The following COPS6 variants were observed in gnomAD, a reference collection of about 807,000 sequenced individuals.
COPS6 encodes the protein COP9 signalosome complex subunit 6.
In COPS6, 9 loss-of-function variants were observed where a neutral mutation model predicts 41.0. The observed-to-expected ratio is 0.22, with a 90% CI of 0.13 to 0.38. COPS6 has a LOEUF of 0.38. Among genes scored for constraint, COPS6 ranks in the 10% least tolerant of loss-of-function variants. The pLI, the probability that COPS6 is intolerant of heterozygous loss-of-function variation, is 1.00. For missense variants in COPS6, 302 were observed against 436.7 expected (o/e 0.69, Z 2.75); for synonymous variants, 179 against 162.9 (o/e 1.10, Z -0.75).
At chr7:100,090,847 G>C in intron 5 of COPS6, 55 bp from the exon 6 acceptor site, 1 of 1,593,688 alleles carries the variant, frequency 6.3e-7, no homozygotes, top group Non-Finnish European at 8.6e-7. Flanking sequence ...ATGTGTAAAA[G>C]CAGCTAGCCC....
chr7:100,090,564 C>A (rs1795300369), intron 4 of COPS6, 28 bp from the exon 5 acceptor site: 1 of 1,611,960 alleles, frequency 6.2e-7, no homozygotes, highest in Non-Finnish European at 8.5e-7. Context: ...GGGGCACTGA[C>A]TTCCTGTGCA....
rs374625999 is a variant in COPS6, at chr7:100,091,948, T to C, written c.*159T>C. ...GTCCTCTGTTAGGCACCACACTGGT[T>C]GGTCAACTTGGATGTTCATCGAGGC... On this transcript the variant is annotated 3_prime_UTR_variant, in exon 10 of 10. Coordinates refer to ENST00000303904, the MANE Select transcript of COPS6 (RefSeq NM_006833.5). This position sits in a 1 kb window ranked among gnomAD's most constrained non-coding sequence, Gnocchi z 4.1. The C allele has an allele frequency of 1.5e-4, 125 of 858,710 alleles. No individual in the cohort carries two copies. In the African/African-American group the frequency reaches 1.8e-3, roughly 12 times the overall value. The allele number at this position is 858,710 out of a possible 1,614,324, so 53.2% of individuals were successfully genotyped here.
rs1281750757 is a variant in COPS6 at position 100,090,878 on chromosome 7, C to G, written c.487-24C>G. 3 of 1,613,834 alleles carry G rather than the reference C, an allele frequency of 1.9e-6. No homozygotes were observed. In the South Asian group the frequency reaches 3.3e-5, roughly 18 times the overall value. ...AGCCCAAATGTTGGCATATAGTGTT[C>G]AGGTTTCTCCGTCTCCTTCACAGCT... On this transcript the variant is annotated intron_variant, in intron 5 of 9. Transcript: ENST00000303904.
Position 100,091,767 on chromosome 7 carries a change from G to C in COPS6, c.962G>C (p.Arg321Thr). The C allele has an allele frequency of 6.2e-7, 1 of 1,614,240 alleles. No individual in the cohort carries two copies. Among genetic ancestry groups the C allele is most frequent in the Non-Finnish European group, 8.5e-7 (1 of 1,180,048 alleles). Reference sequence around the variant, plus strand: ...TACGACCGACAAGGCATCGGCAGGAGAATGCGCGGGCTCTTTTTCTGATGA... The same window carrying C: ...TACGACCGACAAGGCATCGGCAGGACAATGCGCGGGCTCTTTTTCTGATGA... ...VLYDRQGIGR[R>T]MRGLFF Residue 321 changes from arginine to threonine, a missense_variant, in exon 10 of 10, where the codon AGA becomes ACA. By Grantham distance (71) the Arg-to-Thr change is moderately conservative. Coordinates refer to ENST00000303904, the MANE Select transcript of COPS6 (RefSeq NM_006833.5). This position sits in a 1 kb window ranked among gnomAD's most constrained non-coding sequence, Gnocchi z 4.1.
rs1415114572 is a variant in COPS6, at chr7:100,089,346, C to G, written c.133C>G (p.Pro45Ala). The change falls in exon 2 of 10, where the codon CCC becomes GCC. Residue 45 changes from proline to alanine, a missense_variant. By Grantham distance (27) the Pro-to-Ala change is conservative. This residue lies in a region of COPS6 where 76 missense variants were observed against 97.9 expected (regional missense o/e 0.78). Coordinates refer to ENST00000303904, the MANE Select transcript of COPS6 (RefSeq NM_006833.5). ...TGGGAGTGTTTCCGTCGCTCTCCAT[C>G]CCCTTGTCATTCTCAACATCTCAGA... ...VTGSVSVALH[P>A]LVILNISDHW... 2 of 1,614,008 alleles carry G rather than the reference C, an allele frequency of 1.2e-6. No individual in the cohort carries two copies. Among genetic ancestry groups the G allele is most frequent in the African/African-American group, 1.3e-5 (1 of 74,912 alleles).
chr7:100,089,281 C>A lies in COPS6; in HGVS notation c.77-9C>A. ...ACTCTCACCCTCTCTCCTTTCCCTC[C>A]ACCCTTAGTAGTCCCCAGCGTGATG... On this transcript the variant is annotated splice_polypyrimidine_tract_variant and intron_variant, in intron 1 of 9. Coordinates refer to ENST00000303904, the MANE Select transcript of COPS6 (RefSeq NM_006833.5). 6.2e-7 allele frequency: 1 copy of A among 1,612,064 alleles called. No individual in the cohort carries two copies. The highest frequency in any genetic ancestry group is 8.5e-7 in the Non-Finnish European group (1 of 1,179,142).
intron 2 of COPS6, 95 bp downstream of exon 2, chr7:100,089,510 C>T (rs940060737): frequency 5.0e-6 from 8 of 1,600,366 alleles, no homozygotes; most frequent in Non-Finnish European, 6.0e-6. Flanking sequence ...AATTCCCCCT[C>T]CCCCAAATCA....
chr7:100,091,061 G>T lies in COPS6; in HGVS notation c.558G>T (p.Leu186=). Residue 186 remains leucine, a synonymous_variant, in exon 7 of 10, where the codon CTG becomes CTT. Transcript: ENST00000303904. This position sits in a 1 kb window ranked among gnomAD's most constrained non-coding sequence, Gnocchi z 4.1. ...NGEATMLFAE[L]TYTLATEEAE... ...AGGCCACAATGCTGTTTGCTGAGCT[G>T]ACCTACACTCTGGCCACAGAGGAAG... 6.2e-7 allele frequency: 1 copy of T among 1,614,226 alleles called. No homozygotes were observed. Among genetic ancestry groups the T allele is most frequent in the Non-Finnish European group, 8.5e-7 (1 of 1,180,034 alleles).
In COPS6 at chr7:100,089,080, CG is replaced by C. The variant is rs1298520304; in HGVS notation, c.76+19del. 6 of 1,417,686 alleles carry C rather than the reference CG, an allele frequency of 4.2e-6. No individual in the cohort carries two copies. Among genetic ancestry groups the C allele is most frequent in the Non-Finnish European group, 5.5e-6 (6 of 1,084,908 alleles). The allele number at this position is 1,417,686 out of a possible 1,614,324, so 87.8% of individuals were successfully genotyped here. A position where few individuals can be genotyped will look rare whatever the true frequency, so the allele number is the denominator to read the frequency against. ...TGGATGCAGCAGGTAACGGGCCGTGCGGGGGTGGCTTCCGGAGACCTCCTTC... is the reference window on the plus strand; with the variant it reads ...TGGATGCAGCAGGTAACGGGCCGTGCGGGGTGGCTTCCGGAGACCTCCTTC... On this transcript the variant is annotated intron_variant, in intron 1 of 9. Coordinates refer to ENST00000303904, the MANE Select transcript of COPS6 (RefSeq NM_006833.5).
rs771460787 is a variant in COPS6, at chr7:100,091,717, G to A, written c.912G>A (p.Gln304=). The A allele has an allele frequency of 1.9e-6, 3 of 1,614,120 alleles. No homozygotes were observed. The highest frequency in any genetic ancestry group is 2.5e-6 in the Non-Finnish European group (3 of 1,180,050). ...CCAAAACGTGCAACACCATGAACCA[G>A]TTTGTGAACAAGTTCAATGTCCTCT... is the stretch of plus-strand genomic sequence containing the variant. ...TITKTCNTMN[Q]FVNKFNVLYD... Residue 304 remains glutamine (Q), a synonymous_variant, in exon 10 of 10, where the codon CAG becomes CAA. Transcript: ENST00000303904. This position sits in a 1 kb window ranked among gnomAD's most constrained non-coding sequence, Gnocchi z 4.1.
intron 2 of COPS6, 87 bp downstream of exon 2, chr7:100,089,502 T>G: frequency 3.1e-6 from 5 of 1,603,176 alleles, no homozygotes; most frequent in Non-Finnish European, 4.3e-6. Flanking sequence ...CTGGAGCCAA[T>G]TCCCCCTCCC....
At position 100,091,638 on chromosome 7, in the gene COPS6, TTCCC is replaced by T. The variant is rs763076174; in HGVS notation, c.844-6_844-3del. On this transcript the variant is annotated splice_polypyrimidine_tract_variant and splice_region_variant and intron_variant, in intron 9 of 9. Transcript: ENST00000303904. The surrounding 1 kb of genome is among the most constrained non-coding windows in gnomAD (Gnocchi z 4.1). ...GATCCCGAGGAACTGGTCCTTTCTGTTCCCTCCCAGCAATGCAACGACGTGGGGC... is the reference window on the plus strand; with the variant it reads ...GATCCCGAGGAACTGGTCCTTTCTGTTCCCAGCAATGCAACGACGTGGGGC... 1 of 1,614,184 alleles carries T rather than the reference TTCCC, an allele frequency of 6.2e-7. No individual in the cohort carries two copies. Among genetic ancestry groups the T allele is most frequent in the South Asian group, 1.1e-5 (1 of 91,080 alleles).
At position 100,091,553 on chromosome 7, in the gene COPS6, T is replaced by C; in HGVS notation, c.843+33T>C. On this transcript the variant is annotated intron_variant, in intron 9 of 9. Coordinates refer to ENST00000303904, the MANE Select transcript of COPS6 (RefSeq NM_006833.5). This position sits in a 1 kb window ranked among gnomAD's most constrained non-coding sequence, Gnocchi z 4.1. ...TAAAACCCGGATGGGGAGGCGGGGC[T>C]TATGCTGTCACTTTCACGTGCAGGA... 6.2e-7 allele frequency: 1 copy of C among 1,613,760 alleles called. No individual in the cohort carries two copies. Among genetic ancestry groups the C allele is most frequent in the Non-Finnish European group, 8.5e-7 (1 of 1,179,688 alleles).
In COPS6 at chr7:100,091,407, T is replaced by C; in HGVS notation, c.743-13T>C. On this transcript the variant is annotated splice_polypyrimidine_tract_variant and intron_variant, in intron 8 of 9. Coordinates refer to ENST00000303904, the MANE Select transcript of COPS6 (RefSeq NM_006833.5). The surrounding 1 kb of genome is among the most constrained non-coding windows in gnomAD (Gnocchi z 4.1). ...AGCATCCAAACTAATGTAGTCTCTT[T>C]TTGTGCCTTTAGGAGAGGTCCCCTT... The C allele has an allele frequency of 6.2e-7, 1 of 1,613,792 alleles. No homozygotes were observed. Among genetic ancestry groups the C allele is most frequent in the South Asian group, 1.1e-5 (1 of 91,090 alleles).
intron 5 of COPS6, 22 bp from the exon 6 acceptor site, chr7:100,090,880 G>C: frequency 6.2e-7 from 1 of 1,613,976 alleles, no homozygotes; most frequent in African/African-American, 1.3e-5. Flanking sequence ...ATAGTGTTCA[G>C]GTTTCTCCGT....
At chr7:100,089,586 C>T in intron 2 of COPS6, 29 bp from the exon 3 acceptor site, 8 of 1,608,492 alleles carry the variant, frequency 5.0e-6, no homozygotes, top group East Asian at 2.2e-5. Flanking sequence ...TCTTTACCCT[C>T]ACCTTTTCCA....
In COPS6 at chr7:100,091,172, G is replaced by C; in HGVS notation, c.649+20G>C. On this transcript the variant is annotated intron_variant, in intron 7 of 9. Transcript: ENST00000303904. The surrounding 1 kb of genome is among the most constrained non-coding windows in gnomAD (Gnocchi z 4.1). Reference sequence around the variant, plus strand: ...CCACTGGTAATGGAGGGGATTCCTTGGAAGTGGGGTTGGAAGGTGTGGCCA... The same window carrying C: ...CCACTGGTAATGGAGGGGATTCCTTCGAAGTGGGGTTGGAAGGTGTGGCCA... The C allele has an allele frequency of 6.2e-7, 1 of 1,613,818 alleles. No individual in the cohort carries two copies.
chr7:100,089,018 G>C lies in COPS6; in HGVS notation c.28G>C (p.Ala10Pro). The change falls in exon 1 of 10, where the codon GCT (alanine) becomes CCT (proline). Residue 10 changes from alanine to proline, a missense_variant. Transcript: ENST00000303904. The part of the protein sequence containing the change: MAAAAAAAA[A>P]TNGTGGSSGM... Reference sequence around the variant, plus strand: ...GGCGGCGGCGGCGGCGGCGGCTGCAGCTACGAACGGGACCGGAGGAAGCAG... The same window carrying C: ...GGCGGCGGCGGCGGCGGCGGCTGCACCTACGAACGGGACCGGAGGAAGCAG... The C allele has an allele frequency of 7.6e-7, 1 of 1,323,232 alleles. No homozygotes were observed. Among genetic ancestry groups the C allele is most frequent in the Non-Finnish European group, 9.7e-7 (1 of 1,033,736 alleles). The allele number at this position is 1,323,232 out of a possible 1,614,324, so 82.0% of individuals were successfully genotyped here. A position where few individuals can be genotyped will look rare whatever the true frequency, so the allele number is the denominator to read the frequency against.
At chr7:100,090,973 C>T (rs190631917) in intron 6 of COPS6, 24 bp downstream of exon 6, 137 of 1,614,016 alleles carry the variant, frequency 8.5e-5, no homozygotes, top group South Asian at 1.6e-4. Flanking sequence ...CTTCAACCCT[C>T]AGATCCTGCT....
Sources: gnomAD v4.1 joint callset for allele counts on GRCh38, gnomAD v4.1.1 for gene constraint, gnomAD v4.1.1 regional missense constraint, Gnocchi (gnomAD v3.1) non-coding constraint, MANE v1.5 for transcripts, NCBI Gene and HGNC (gene_info 2026-07-23, HGNC 2026-07-21) for gene names.